The following PSTPIP1 variants were observed in gnomAD, a reference collection of about 807,000 sequenced individuals.
PSTPIP1 encodes the protein proline-serine-threonine phosphatase-interacting protein 1.
A neutral mutation model predicts 69.6 loss-of-function variants in PSTPIP1; 66 were observed. The observed-to-expected ratio is 0.95, with a 90% CI of 0.78 to 1.16. PSTPIP1 has a LOEUF of 1.16. Ranked by LOEUF, PSTPIP1 falls within the 50% of genes most tolerant of loss-of-function variation. PSTPIP1 has a pLI of 0.00. For missense variants in PSTPIP1, 603 were observed against 557.4 expected (o/e 1.08, Z -0.82); for synonymous variants, 266 against 222.7 (o/e 1.19, Z -1.73).
chr15:77,031,628 G>C lies in PSTPIP1; in HGVS notation c.741+350G>C. 3 of 237,716 alleles carry C rather than the reference G, an allele frequency of 1.3e-5. No individual in the cohort carries two copies. In the South Asian group the frequency reaches 1.5e-4, roughly 12 times the overall value. 14.7% of individuals were successfully genotyped at this position (237,716 alleles called of 1,614,324 possible). On this transcript the variant is annotated intron_variant, in intron 10 of 14. Coordinates refer to ENST00000558012, the MANE Select transcript of PSTPIP1 (RefSeq NM_003978.5). ...GAAGCTGGAGGACCGTGGCTGCTCT[G>C]CTCTAGGCCTGGTGCTTGCAGGAGC... is the stretch of plus-strand genomic sequence containing the variant.
At chr15:77,034,114 G>C (rs2076494148) in intron 12 of PSTPIP1, among the ~76,000 whole-genome samples, 1 of 152,146 alleles carries the variant, frequency 6.6e-6, no homozygotes, top group Non-Finnish European at 1.5e-5. Context: ...CCTCTGGATG[G>C]GGCATCTAGA....
At position 77,031,248 on chromosome 15, in the gene PSTPIP1, G is replaced by C; in HGVS notation, c.711G>C (p.Gln237His). 6 of 1,612,986 alleles carry C rather than the reference G, an allele frequency of 3.7e-6. No homozygotes were observed. Among genetic ancestry groups the C allele is most frequent in the Non-Finnish European group, 5.1e-6 (6 of 1,179,606 alleles). ...ACGCCCTGTGGGTGCACAGCAACCA[G>C]CTCTCCATGCAGTGTGTCAAGGATG... ...LRNALWVHSN[Q>H]LSMQCVKDDE... is the part of the protein sequence containing the mutation. The change falls in exon 10 of 15, where the codon CAG becomes CAC. Residue 237 changes from glutamine (Q) to histidine (H), a missense_variant. By Grantham distance (24) the Gln-to-His change is conservative (BLOSUM62 0). Transcript: ENST00000558012.
chr15:77,030,405 C>A, intron 8 of PSTPIP1, 97 bp from the exon 9 acceptor site: 1 of 1,290,452 alleles, frequency 7.7e-7, no homozygotes, highest in Non-Finnish European at 1.1e-6. Flanking sequence ...GGAGGCGGGG[C>A]TCCCAGTGGG....
At chr15:77,016,019 C>T (rs1283718846) in intron 1 of PSTPIP1, 1 of 456,280 alleles carries the variant, frequency 2.2e-6, no homozygotes, top group East Asian at 7.0e-5. Flanking sequence ...GCTTCTCTTT[C>T]CACTCTGGGG....
intron 3 of PSTPIP1, among the ~76,000 whole-genome samples, chr15:77,022,428 T>C (rs1476340550): frequency 6.6e-6 from 1 of 152,104 alleles, no homozygotes; most frequent in Non-Finnish European, 1.5e-5. Context: ...ATGGGATGAG[T>C]TACACATGAA....
intron 1 of PSTPIP1, chr15:77,007,887 C>T: frequency 2.2e-6 from 1 of 456,040 alleles, no homozygotes; most frequent in Non-Finnish European, 4.4e-6. Context: ...AGCCACCGCG[C>T]CCGACTGGCA....
chr15:77,030,470 A>G (rs370178664), intron 8 of PSTPIP1, 32 bp from the exon 9 acceptor site: 7 of 1,604,538 alleles, frequency 4.4e-6, no homozygotes, highest in Non-Finnish European at 6.0e-6. Flanking sequence ...AGCTCGTGTC[A>G]GGGCCCTCCC....
Position 77,032,902 on chromosome 15 carries a change from C to T in PSTPIP1, c.879C>T (p.Thr293=). Residue 293 remains threonine, a synonymous_variant, in exon 12 of 15, where the codon ACC becomes ACT. Coordinates refer to ENST00000558012, the MANE Select transcript of PSTPIP1 (RefSeq NM_003978.5). ...AGAACTATTACGATCGGGAGGTCAC[C>T]CCGCTGACCAGCAGCCCTGGCATAC... The part of the protein sequence containing the change: ...PYQNYYDREV[T]PLTSSPGIQP... 2 of 1,604,450 alleles carry T rather than the reference C, an allele frequency of 1.2e-6. No homozygotes were observed. Among genetic ancestry groups the T allele is most frequent in the Non-Finnish European group, 1.7e-6 (2 of 1,176,064 alleles).
In PSTPIP1 at chr15:77,027,714, G is replaced by T. The variant is rs747963818; in HGVS notation, c.355-138G>T. 444 of 948,672 alleles carry T rather than the reference G, an allele frequency of 4.7e-4. 2 individuals are homozygous for T. The highest frequency in any genetic ancestry group is 5.4e-4 in the Non-Finnish European group (328 of 604,266). The allele number at this position is 948,672 out of a possible 1,614,324, so 58.8% of individuals were successfully genotyped here. ...TCACTGTGAAGCAGCAGGCTCTGGGGGAGGGAGGGCAGCCTGTCACCCTCT... is the reference window on the plus strand; with the variant it reads ...TCACTGTGAAGCAGCAGGCTCTGGGTGAGGGAGGGCAGCCTGTCACCCTCT... On this transcript the variant is annotated intron_variant, in intron 5 of 14. Transcript: ENST00000558012. This position sits in a 1 kb window ranked among gnomAD's most constrained non-coding sequence, Gnocchi z 4.3.
intron 1 of PSTPIP1, among the ~76,000 whole-genome samples, chr15:77,011,123 C>T (rs2075926423): frequency 1.3e-5 from 2 of 152,240 alleles, no homozygotes; most frequent in Non-Finnish European, 2.9e-5. Context: ...GCCAGACAGA[C>T]CTTGGTCAAA....
intron 12 of PSTPIP1, among the ~76,000 whole-genome samples, chr15:77,033,828 C>T (rs1407660301): frequency 1.3e-5 from 2 of 151,914 alleles, no homozygotes; most frequent in Non-Finnish European, 2.9e-5. Context: ...AGGGCACACA[C>T]ACACCCTCTT....
At chr15:77,019,610 C>T (rs904646030) in intron 3 of PSTPIP1, among the ~76,000 whole-genome samples, 1 of 152,204 alleles carries the variant, frequency 6.6e-6, no homozygotes, top group Non-Finnish European at 1.5e-5. Context: ...GAGCTCTGGT[C>T]CCGGCTCGGC....
intron 7 of PSTPIP1, 103 bp from the exon 8 acceptor site, chr15:77,029,426 C>T: frequency 7.2e-7 from 1 of 1,391,248 alleles, no homozygotes; most frequent in Non-Finnish European, 9.9e-7. Context: ...TGAATGTTCC[C>T]CCCAGGGTGG....
In PSTPIP1 at chr15:77,000,744, G is replaced by T. The variant is rs1215422883; in HGVS notation, c.36+5135G>T. On this transcript the variant is annotated intron_variant, in intron 1 of 14. Transcript: ENST00000558012. ...TTTTGCAGAGATGAGGTCTCCCTGTGTTGCCCAGGCTGGTCTCAAACTCTT... is the reference window on the plus strand; with the variant it reads ...TTTTGCAGAGATGAGGTCTCCCTGTTTTGCCCAGGCTGGTCTCAAACTCTT... Among the ~76,000 whole-genome samples, 3 of 152,036 alleles carry T rather than the reference G, an allele frequency of 2.0e-5. No homozygotes were observed. The East Asian group carries it at 5.8e-4, about 29-fold the overall frequency.
intron 7 of PSTPIP1, among the ~76,000 whole-genome samples, 157 bp from the exon 8 acceptor site, chr15:77,029,372 C>T (rs182733577): frequency 1.1e-3 from 170 of 152,322 alleles, no homozygotes; most frequent in African/African-American, 4.0e-3. Flanking sequence ...CCTCTGTGGG[C>T]GGAGGTTGCT....
chr15:77,008,452 C>T (rs1192106659), intron 1 of PSTPIP1, among the ~76,000 whole-genome samples: 1 of 152,144 alleles, frequency 6.6e-6, no homozygotes, highest in East Asian at 1.9e-4. Flanking sequence ...CTCTGTTGAC[C>T]AGGCTGGAGT....
In PSTPIP1 at chr15:77,028,453, C is replaced by G. The variant is rs970106612; in HGVS notation, c.418-101C>G. 2.3e-5 allele frequency: 24 copies of G among 1,059,320 alleles called. No homozygotes were observed. The Admixed American group carries it at 5.4e-4, about 24-fold the overall frequency. The allele number at this position is 1,059,320 out of a possible 1,614,324, so 65.6% of individuals were successfully genotyped here. A position where few individuals can be genotyped will look rare whatever the true frequency, so the allele number is the denominator to read the frequency against. Reference sequence around the variant, plus strand: ...GGATGCCCCCACTCCACCCGCAACCCTCGCCAGGGAAAAAGGGAGGCTGGG... The same window carrying G: ...GGATGCCCCCACTCCACCCGCAACCGTCGCCAGGGAAAAAGGGAGGCTGGG... On this transcript the variant is annotated intron_variant, in intron 6 of 14. Transcript: ENST00000558012.
chr15:77,029,390 G>A (rs547357649), intron 7 of PSTPIP1, 139 bp from the exon 8 acceptor site: 3 of 927,982 alleles, frequency 3.2e-6, no homozygotes, highest in African/African-American at 1.7e-5. Flanking sequence ...GCTTGTGGAT[G>A]ATGGCATCTG....
chr15:77,036,251 T>C (rs1363615323), intron 14 of PSTPIP1, among the ~76,000 whole-genome samples: 1 of 152,148 alleles, frequency 6.6e-6, no homozygotes, highest in African/African-American at 2.4e-5. Context: ...GGAGCACATG[T>C]ACCTATGCCG....
Sources: allele counts gnomAD v4.1 joint callset (sites outside exome capture counted in the v4.1 genomes callset), GRCh38; gene constraint gnomAD v4.1.1; non-coding constraint Gnocchi (gnomAD v3.1); transcripts MANE v1.5; gene names NCBI Gene and HGNC (gene_info 2026-07-23, HGNC 2026-07-21).